The following SPOCK1 variants were observed in gnomAD, a reference collection of about 807,000 sequenced individuals.
The protein encoded by SPOCK1 is SPARC (osteonectin), cwcv and kazal like domains proteoglycan 1.
In SPOCK1, 23 loss-of-function variants were observed where a neutral mutation model predicts 55.3. The ratio of observed to expected loss-of-function variants is 0.42; its 90% confidence interval spans 0.30 to 0.59. The LOEUF is 0.59. SPOCK1 is among the 20% of genes least tolerant of loss of function. The pLI is 0.22. For missense variants in SPOCK1, 499 were observed against 552.5 expected (o/e 0.90, Z 0.97); for synonymous variants, 226 against 221.0 (o/e 1.02, Z -0.20).
chr5:137,014,401 G>A (rs1751410798), intron 6 of SPOCK1, among the ~76,000 whole-genome samples: 1 of 152,186 alleles, frequency 6.6e-6, no homozygotes, highest in Admixed American at 6.5e-5. Context: ...GACACTCACT[G>A]AGTCCATTTT....
chr5:137,142,403 A>T (rs1434654), intron 3 of SPOCK1, among the ~76,000 whole-genome samples: 14 of 152,240 alleles, frequency 9.2e-5, no homozygotes, highest in Non-Finnish European at 2.1e-4. Flanking sequence ...AACATCCAAA[A>T]GCATTTCTGC....
At chr5:137,493,262 A>T (rs190194401) in intron 2 of SPOCK1, among the ~76,000 whole-genome samples, 33 of 152,342 alleles carry the variant, frequency 2.2e-4, no homozygotes, top group Admixed American at 1.1e-3. Flanking sequence ...ATGATACATT[A>T]TTTAATTACT....
chr5:137,132,414 T>G (rs1287052282), intron 4 of SPOCK1, among the ~76,000 whole-genome samples: 2 of 152,118 alleles, frequency 1.3e-5, no homozygotes, highest in Admixed American at 6.5e-5. Flanking sequence ...AACCTCCTCT[T>G]TCTAATCCAC....
In SPOCK1 at chr5:137,140,615, G is replaced by A. The variant is rs762294131; in HGVS notation, c.312C>T (p.Thr104=). The change falls in exon 4 of 11, where the codon ACC becomes ACT. Residue 104 remains threonine, a synonymous_variant. Transcript: ENST00000394945. The stretch of plus-strand genomic sequence containing the variant: ...GGTGCTTGCGGCTGACACACAGGGC[G>A]GTCTGGTAGTCCTGGGTCACACACA... ...HKVCVTQDYQ[T]ALCVSRKHLL... The A allele has an allele frequency of 2.9e-5, 47 of 1,613,784 alleles. No homozygotes were observed. The highest frequency in any genetic ancestry group is 3.8e-5 in the Non-Finnish European group (45 of 1,179,968).
intron 2 of SPOCK1, among the ~76,000 whole-genome samples, chr5:137,451,383 T>G (rs1357618443): frequency 2.0e-5 from 3 of 152,234 alleles, no homozygotes; most frequent in Non-Finnish European, 2.9e-5. Flanking sequence ...TTAGCAGGGA[T>G]GAACTCAATG....
chr5:137,034,872 C>T (rs1751850263), intron 6 of SPOCK1, among the ~76,000 whole-genome samples: 1 of 152,142 alleles, frequency 6.6e-6, no homozygotes, highest in Admixed American at 6.5e-5. Context: ...TTCCAACTGA[C>T]AAAGCGTGTC....
chr5:137,245,779 A>AAC (rs1554072136), intron 3 of SPOCK1, among the ~76,000 whole-genome samples: 145 of 119,340 alleles, frequency 1.2e-3, no homozygotes, highest in African/African-American at 4.1e-3. Flanking sequence ...AACAAAACAA[A>AAC]AAAAAAACAA....
chr5:137,323,807 T>C (rs1456467035), intron 2 of SPOCK1, among the ~76,000 whole-genome samples: 1 of 152,080 alleles, frequency 6.6e-6, no homozygotes, highest in African/African-American at 2.4e-5. Context: ...GGAATGACTA[T>C]CACCAAAAAC....
rs1341514735 is a variant in SPOCK1 at position 136,979,375 on chromosome 5, C to T, written c.1086G>A (p.Gly362=). 1 of 1,614,056 alleles carries T rather than the reference C, an allele frequency of 6.2e-7. No homozygotes were observed. The highest frequency in any genetic ancestry group is 8.5e-7 in the Non-Finnish European group (1 of 1,180,036). The change falls in exon 10 of 11, where the codon GGG becomes GGA. Residue 362 remains glycine (G), a synonymous_variant. Transcript: ENST00000394945. ...GTTTCCTGGAGCCAGCCAACTCATT[C>T]CCATATTTGTCCACACACCAGCACT... ...TGQCWCVDKY[G]NELAGSRKQG...
At chr5:137,246,838 T>A (rs1756403492) in intron 3 of SPOCK1, among the ~76,000 whole-genome samples, 2 of 151,956 alleles carry the variant, frequency 1.3e-5, no homozygotes, top group Admixed American at 6.6e-5. Flanking sequence ...ACAGAGTGAG[T>A]TTCTGACAGC....
Position 137,123,015 on chromosome 5 carries a change from C to T in SPOCK1, c.348-10454G>A, listed in dbSNP as rs567691981. 5.3e-5 allele frequency among the ~76,000 whole-genome samples: 8 copies of T among 152,302 alleles called. 1 individual carries two copies. In the South Asian group the frequency reaches 1.7e-3, roughly 32 times the overall value. ...TGGCTTCAGGGACATGATGCCAGGA[C>T]AGACACAGAGACAGGCTAGATCCTG... is the stretch of plus-strand genomic sequence containing the variant. On this transcript the variant is annotated intron_variant, in intron 4 of 10. Coordinates refer to ENST00000394945, the MANE Select transcript of SPOCK1 (RefSeq NM_004598.4).
At chr5:137,087,483 C>A (rs1056830290) in intron 5 of SPOCK1, among the ~76,000 whole-genome samples, 1 of 152,230 alleles carries the variant, frequency 6.6e-6, no homozygotes, top group African/African-American at 2.4e-5. Context: ...GCTATTATCA[C>A]CATCATTAAT....
intron 6 of SPOCK1, among the ~76,000 whole-genome samples, chr5:137,052,228 C>T (rs1355506551): frequency 1.3e-5 from 2 of 152,166 alleles, no homozygotes; most frequent in Non-Finnish European, 2.9e-5. Context: ...GACTTCCTAC[C>T]ACTTGACTCA....
intron 8 of SPOCK1, 88 bp from the exon 9 acceptor site, chr5:136,985,290 C>G (rs1728072364): frequency 8.2e-7 from 1 of 1,221,610 alleles, no homozygotes; most frequent in African/African-American, 1.5e-5. Context: ...GAAATGTAGA[C>G]AATGACACAC....
intron 5 of SPOCK1, among the ~76,000 whole-genome samples, chr5:137,102,995 T>C (rs2127026576): frequency 6.6e-6 from 1 of 152,248 alleles, no homozygotes; most frequent in Middle Eastern, 3.4e-3. Flanking sequence ...TTTTTTGTTT[T>C]GTTTTGTTTT....
At chr5:137,075,355 C>G (rs1752736729) in intron 5 of SPOCK1, among the ~76,000 whole-genome samples, 1 of 152,184 alleles carries the variant, frequency 6.6e-6, no homozygotes, top group Non-Finnish European at 1.5e-5. Flanking sequence ...GTTACTGTCC[C>G]TCCTGCAGCT....
chr5:137,344,737 C>T (rs909261224), intron 2 of SPOCK1, among the ~76,000 whole-genome samples: 1 of 152,190 alleles, frequency 6.6e-6, no homozygotes, highest in African/African-American at 2.4e-5. Flanking sequence ...TAAGGTTTCA[C>T]ATAAAGTATT....
intron 6 of SPOCK1, among the ~76,000 whole-genome samples, chr5:137,054,610 C>T (rs765762415): frequency 5.9e-5 from 9 of 152,094 alleles, no homozygotes; most frequent in African/African-American, 1.2e-4. Flanking sequence ...TATCACAGAA[C>T]GCCAACAAGG....
At chr5:137,312,103 T>C (rs549106438) in intron 2 of SPOCK1, among the ~76,000 whole-genome samples, 1 of 152,322 alleles carries the variant, frequency 6.6e-6, no homozygotes, top group South Asian at 2.1e-4. Context: ...TGCCAATTCT[T>C]TCGGGTACTT....
Sources: allele counts gnomAD v4.1 joint callset (sites outside exome capture counted in the v4.1 genomes callset), GRCh38; gene constraint gnomAD v4.1.1; transcripts MANE v1.5; gene names NCBI Gene and HGNC (gene_info 2026-07-23, HGNC 2026-07-21).